The following COLEC12 variants were observed in gnomAD, a reference collection of about 807,000 sequenced individuals.
COLEC12 encodes collectin subfamily member 12.
COLEC12 carries 33 observed loss-of-function variants against 71.1 expected under a neutral mutation model. The ratio of observed to expected loss-of-function variants is 0.46; its 90% CI spans 0.35 to 0.62. The LOEUF is 0.62. Among genes scored for constraint, COLEC12 ranks in the 20% least tolerant of loss-of-function variants. COLEC12 has a pLI of 0.00. For missense variants in COLEC12, 765 were observed against 916.1 expected (o/e 0.84, Z 2.13); for synonymous variants, 350 against 353.0 (o/e 0.99, Z 0.10).
At chr18:432,019 T>C (rs1055027388) in intron 2 of COLEC12, among the ~76,000 whole-genome samples, 2 of 152,156 alleles carry the variant, frequency 1.3e-5, no homozygotes, top group Non-Finnish European at 2.9e-5. Flanking sequence ...TTTACTAAAA[T>C]CCAACCCAAG....
At chr18:386,106 G>A (rs1396279927) in intron 2 of COLEC12, among the ~76,000 whole-genome samples, 1 of 98,948 alleles carries the variant, frequency 1.0e-5, no homozygotes, top group Non-Finnish European at 2.4e-5. Context: ...TGTGGGTGGG[G>A]GAGAAGGCTA....
intron 2 of COLEC12, among the ~76,000 whole-genome samples, chr18:405,186 A>C (rs1915760995): frequency 6.6e-6 from 1 of 152,194 alleles, no homozygotes; most frequent in Non-Finnish European, 1.5e-5. Context: ...TTATCAAGAC[A>C]ATACGTGCAC....
At chr18:453,664 C>A (rs568815810) in intron 2 of COLEC12, among the ~76,000 whole-genome samples, 26 of 152,336 alleles carry the variant, frequency 1.7e-4, no homozygotes, top group African/African-American at 6.3e-4. Flanking sequence ...GGGCTCTATG[C>A]TAAAGACTCC....
At chr18:349,756 C>G (rs1328894712) in intron 3 of COLEC12, among the ~76,000 whole-genome samples, 1 of 152,216 alleles carries the variant, frequency 6.6e-6, no homozygotes, top group African/African-American at 2.4e-5. Context: ...GATGTGCGAC[C>G]TGGAGTCAAA....
intron 2 of COLEC12, among the ~76,000 whole-genome samples, chr18:414,048 C>A (rs990700125): frequency 6.6e-6 from 1 of 152,132 alleles, no homozygotes; most frequent in Non-Finnish European, 1.5e-5. Flanking sequence ...TGATAACAGG[C>A]ATTTTTTGTA....
At chr18:474,750 T>A (rs1917270240) in intron 2 of COLEC12, among the ~76,000 whole-genome samples, 1 of 152,116 alleles carries the variant, frequency 6.6e-6, no homozygotes, top group Middle Eastern at 3.2e-3. Context: ...TGCACTGAGT[T>A]CCTCACATGC....
In COLEC12 at chr18:319,341, AAT is replaced by A. The variant is rs1555611774; in HGVS notation, c.*702_*703del. On this transcript the variant is annotated 3_prime_UTR_variant, in exon 10 of 10. Coordinates refer to ENST00000400256, the MANE Select transcript of COLEC12 (RefSeq NM_130386.3). Reference sequence around the variant, plus strand: ...AACATTAAAAAAAAAAAAAAAAAAAAATATATATATATATATATATATACACA... The same window carrying A: ...AACATTAAAAAAAAAAAAAAAAAAAAATATATATATATATATATATACACA... 2 of 67,196 alleles carry A rather than the reference AAT, an allele frequency of 3.0e-5. No homozygotes were observed. The highest frequency in any genetic ancestry group is 9.7e-5 in the African/African-American group (2 of 20,534). The allele number at this position is 67,196 out of a possible 1,614,324, so 4.2% of individuals were successfully genotyped here.
intron 8 of COLEC12, 60 bp from the exon 9 acceptor site, chr18:321,867 C>A: frequency 6.6e-7 from 1 of 1,508,340 alleles, no homozygotes; most frequent in South Asian, 1.2e-5. Context: ...TTTCTTTACT[C>A]AAGAGCAGCA....
intron 2 of COLEC12, among the ~76,000 whole-genome samples, chr18:394,630 A>G (rs1434060806): frequency 2.0e-5 from 3 of 152,242 alleles, no homozygotes; most frequent in East Asian, 1.9e-4. Context: ...TTGAAACTGC[A>G]TAGTAAAACT....
At chr18:404,474 A>C (rs1261966847) in intron 2 of COLEC12, among the ~76,000 whole-genome samples, 1 of 152,162 alleles carries the variant, frequency 6.6e-6, no homozygotes, top group Non-Finnish European at 1.5e-5. Flanking sequence ...TTACTGAATA[A>C]AGCAAAATAT....
chr18:347,967 C>T, intron 4 of COLEC12, 98 bp downstream of exon 4: 1 of 711,170 alleles, frequency 1.4e-6, no homozygotes. Flanking sequence ...GAATGTCCTT[C>T]CGGGTGAATG....
chr18:424,785 C>A (rs761822084), intron 2 of COLEC12, among the ~76,000 whole-genome samples: 1 of 152,176 alleles, frequency 6.6e-6, no homozygotes, highest in Admixed American at 6.5e-5. Context: ...CTGTGTCAGG[C>A]CTGCATCAGG....
At chr18:454,004 C>A (rs1181422174) in intron 2 of COLEC12, among the ~76,000 whole-genome samples, 1 of 152,248 alleles carries the variant, frequency 6.6e-6, no homozygotes, top group Non-Finnish European at 1.5e-5. Context: ...AGTCTAGAGG[C>A]ACAACCTCCT....
intron 2 of COLEC12, among the ~76,000 whole-genome samples, chr18:390,559 G>A (rs1385391428): frequency 2.0e-5 from 3 of 152,116 alleles, no homozygotes; most frequent in African/African-American, 7.2e-5. Context: ...TCGGGAGTTC[G>A]AGACCAGACT....
At chr18:349,627 G>C (rs1914464031) in intron 3 of COLEC12, among the ~76,000 whole-genome samples, 1 of 152,184 alleles carries the variant, frequency 6.6e-6, no homozygotes, top group Non-Finnish European at 1.5e-5. Flanking sequence ...ACCTGGAAAA[G>C]CCACAGATGC....
chr18:464,167 G>A (rs1406598850), intron 2 of COLEC12, among the ~76,000 whole-genome samples: 2 of 152,086 alleles, frequency 1.3e-5, no homozygotes, highest in Admixed American at 6.5e-5. Context: ...AAACCTCCAC[G>A]GATACACTAA....
intron 2 of COLEC12, among the ~76,000 whole-genome samples, chr18:451,942 G>A (rs1477785431): frequency 1.3e-5 from 2 of 152,114 alleles, no homozygotes; most frequent in African/African-American, 4.8e-5. Flanking sequence ...CAAAATAATG[G>A]GGAGAAGGCC....
In COLEC12 at chr18:490,929, A is replaced by G. The variant is rs189296329; in HGVS notation, c.7+9579T>C. ...TGGCGCTGTCTACATATGAGTACCC[A>G]TTGGTTGCTCTATCGTGTTTAGACC... On this transcript the variant is annotated intron_variant, in intron 1 of 9. Transcript: ENST00000400256. 2.6e-4 allele frequency among the ~76,000 whole-genome samples: 40 copies of G among 152,294 alleles called. No homozygotes were observed. In the East Asian group the frequency reaches 6.9e-3, roughly 26 times the overall value.
chr18:441,031 A>G (rs1257746174), intron 2 of COLEC12, among the ~76,000 whole-genome samples: 30 of 150,932 alleles, frequency 2.0e-4, no homozygotes, highest in South Asian at 8.5e-4. Context: ...GGTGGATCAC[A>G]AGGCCAGGAG....
Sources: allele counts gnomAD v4.1 joint callset (sites outside exome capture counted in the v4.1 genomes callset), GRCh38; gene constraint gnomAD v4.1.1; transcripts MANE v1.5; gene names NCBI Gene and HGNC (gene_info 2026-07-23, HGNC 2026-07-21).